The following OTOGL variants were observed in gnomAD, a reference collection of about 807,000 sequenced individuals.
OTOGL encodes the protein otogelin-like protein.
In OTOGL, 285 loss-of-function variants were observed where a neutral mutation model predicts 318.5. The ratio of observed to expected loss-of-function variants is 0.89; its 90% confidence interval spans 0.81 to 0.99. The LOEUF (loss-of-function observed/expected upper bound fraction) is 0.99. Ranked by LOEUF, OTOGL falls within the 50% of genes least tolerant of loss-of-function variation. The probability of loss-of-function intolerance (pLI) is 0.00; values close to 1 mark genes in which losing one functional copy is unlikely to be tolerated. For missense variants in OTOGL, 2,899 were observed against 2,845.6 expected (o/e 1.02, Z -0.43); for synonymous variants, 987 against 936.5 (o/e 1.05, Z -0.99).
intron 27 of OTOGL, among the ~76,000 whole-genome samples, chr12:80,300,295 C>T (rs1452872373): frequency 6.6e-6 from 1 of 151,460 alleles, no homozygotes; most frequent in Non-Finnish European, 1.5e-5. Flanking sequence ...GTGCTGAGGG[C>T]CTTCCTTGCC....
At chr12:80,288,024 A>T (rs929998802) in intron 26 of OTOGL, among the ~76,000 whole-genome samples, 3 of 152,066 alleles carry the variant, frequency 2.0e-5, no homozygotes, top group African/African-American at 2.4e-5. Flanking sequence ...ATGTTTTTGC[A>T]GTGGCTGGTA....
At chr12:80,159,465 CT>C (rs1873351930) in intron 1 of OTOGL, among the ~76,000 whole-genome samples, 2 of 151,966 alleles carry the variant, frequency 1.3e-5, no homozygotes, top group African/African-American at 4.8e-5. Flanking sequence ...CAGTCCTGGA[CT>C]TTTTTTGGTT....
chr12:80,284,523 C>T (rs1162908570), intron 26 of OTOGL, among the ~76,000 whole-genome samples: 1 of 152,198 alleles, frequency 6.6e-6, no homozygotes, highest in Non-Finnish European at 1.5e-5. Flanking sequence ...TATTTCTCCA[C>T]ATCCTCTCCA....
chr12:80,349,869 A>T (rs1404884944), intron 44 of OTOGL, among the ~76,000 whole-genome samples: 1 of 152,214 alleles, frequency 6.6e-6, no homozygotes, highest in African/African-American at 2.4e-5. Flanking sequence ...AAGTGTCTAT[A>T]CATTGTGGAA....
intron 8 of OTOGL, among the ~76,000 whole-genome samples, chr12:80,231,591 G>A (rs949279705): frequency 6.6e-6 from 1 of 151,558 alleles, no homozygotes; most frequent in Non-Finnish European, 1.5e-5. Context: ...TTCACATTAT[G>A]GTATATAATT....
At chr12:80,217,766 A>G in intron 5 of OTOGL, 102 bp downstream of exon 5, 1 of 828,148 alleles carries the variant, frequency 1.2e-6, no homozygotes. Context: ...CACATGAAGG[A>G]AAGTGAGCCA....
intron 1 of OTOGL, among the ~76,000 whole-genome samples, chr12:80,128,854 A>G (rs1385526536): frequency 6.6e-6 from 1 of 152,140 alleles, no homozygotes; most frequent in East Asian, 1.9e-4. Flanking sequence ...GCGGGATACA[A>G]TCTCCTGGTG....
At chr12:80,286,925 A>G (rs1464637305) in intron 26 of OTOGL, among the ~76,000 whole-genome samples, 3 of 152,052 alleles carry the variant, frequency 2.0e-5, no homozygotes, top group Non-Finnish European at 4.4e-5. Context: ...GTCTTCTGCT[A>G]GCTTTTGAAT....
At position 80,328,711 on chromosome 12, in the gene OTOGL, G is replaced by A. The variant is rs1032256244; in HGVS notation, c.4246G>A (p.Glu1416Lys). The A allele has an allele frequency of 1.8e-5, 29 of 1,606,832 alleles. No individual in the cohort carries two copies. Among genetic ancestry groups the A allele is most frequent in the Non-Finnish European group, 2.4e-5 (28 of 1,173,700 alleles). Residue 1416 changes from glutamate to lysine, a missense_variant, in exon 36 of 59, where the codon GAG becomes AAG. By Grantham distance (56) the Glu-to-Lys change is moderately conservative. Coordinates refer to ENST00000547103, the MANE Select transcript of OTOGL (RefSeq NM_001378609.3). ...CTGCCCTAAAAATATGATCCTTGAT[G>A]AGGTCACCCTCAAGTGTGTTTATCC... ...PYCPKNMILD[E>K]VTLKCVYPRD...
At chr12:80,210,287 G>T (rs1384311136) in intron 2 of OTOGL, among the ~76,000 whole-genome samples, 2 of 152,058 alleles carry the variant, frequency 1.3e-5, no homozygotes, top group East Asian at 1.9e-4. Flanking sequence ...AACAAAATGG[G>T]CAAAGAATTG....
intron 44 of OTOGL, among the ~76,000 whole-genome samples, chr12:80,351,835 A>G (rs1566006486): frequency 6.6e-6 from 1 of 152,220 alleles, no homozygotes; most frequent in African/African-American, 2.4e-5. Flanking sequence ...GAGGTGTGCC[A>G]AATGTTTATA....
At chr12:80,118,448 G>A (rs957551295) in intron 1 of OTOGL, among the ~76,000 whole-genome samples, 10 of 152,096 alleles carry the variant, frequency 6.6e-5, no homozygotes, top group Non-Finnish European at 1.5e-4. Context: ...TCCCAACCCC[G>A]ATGGCTTAGG....
chr12:80,313,937 G>A (rs1886813591), intron 31 of OTOGL, among the ~76,000 whole-genome samples: 1 of 151,878 alleles, frequency 6.6e-6, no homozygotes, highest in Non-Finnish European at 1.5e-5. Flanking sequence ...TGCCTATGAA[G>A]TTTCATCGTT....
chr12:80,343,348 T>C (rs902157552), intron 44 of OTOGL, among the ~76,000 whole-genome samples: 2 of 152,054 alleles, frequency 1.3e-5, no homozygotes, highest in Non-Finnish European at 2.9e-5. Context: ...AAATATAGTA[T>C]AGTATTTGCA....
In OTOGL at chr12:80,367,336, C is replaced by T. The variant is rs565596267; in HGVS notation, c.6332-225C>T. On this transcript the variant is annotated intron_variant, in intron 53 of 58. Transcript: ENST00000547103. ...TTTTGGAGGAAGTTCAATCATTAAA[C>T]AGCAGTTGATTTTATAGATGAATTT... Among the ~76,000 whole-genome samples the T allele has an allele frequency of 2.6e-5, 4 of 152,114 alleles. No individual in the cohort carries two copies. The South Asian group carries it at 8.3e-4, about 32-fold the overall frequency.
intron 7 of OTOGL, among the ~76,000 whole-genome samples, chr12:80,228,837 C>T (rs1879109687): frequency 6.6e-6 from 1 of 151,952 alleles, no homozygotes; most frequent in Non-Finnish European, 1.5e-5. Context: ...AGTTCATGGT[C>T]ACTTTTCAAC....
rs1239554285 is a variant in OTOGL at position 80,309,156 on chromosome 12, A to T, written c.3334-1455A>T. On this transcript the variant is annotated intron_variant, in intron 29 of 58. Coordinates refer to ENST00000547103, the MANE Select transcript of OTOGL (RefSeq NM_001378609.3). ...AAAAATTCACTAATTTTTATTTAGC[A>T]CTTAATGTTTTCCATTACATACAGA... Among the ~76,000 whole-genome samples the T allele has an allele frequency of 7.2e-5, 11 of 152,352 alleles. No individual in the cohort carries two copies. The South Asian group carries it at 2.1e-3, about 29-fold the overall frequency.
chr12:80,270,727 T>C (rs1883345731), intron 23 of OTOGL, among the ~76,000 whole-genome samples: 1 of 152,136 alleles, frequency 6.6e-6, no homozygotes, highest in Non-Finnish European at 1.5e-5. Flanking sequence ...TGACATCCAC[T>C]GTTATCCCTT....
chr12:80,175,853 A>G (rs1488465772), intron 1 of OTOGL, among the ~76,000 whole-genome samples: 1 of 152,218 alleles, frequency 6.6e-6, no homozygotes, highest in African/African-American at 2.4e-5. Flanking sequence ...TATTTGAACA[A>G]TGGTTGAAGG....
Sources: gnomAD v4.1 joint callset for allele counts (sites outside exome capture counted in the v4.1 genomes callset) on GRCh38, gnomAD v4.1.1 for gene constraint, MANE v1.5 for transcripts, NCBI Gene and HGNC (gene_info 2026-07-23, HGNC 2026-07-21) for gene names.